Variants in FGF2 observed in about 807,000 individuals in gnomAD.
FGF2 encodes fibroblast growth factor 2.
FGF2 carries 13 observed loss-of-function variants against 15.9 expected under a neutral mutation model. The ratio of observed to expected loss-of-function variants is 0.82; its 90% CI spans 0.53 to 1.30. The LOEUF is 1.30. Among genes scored for constraint, FGF2 ranks in the 50% most tolerant of loss-of-function variants. The probability of loss-of-function intolerance (pLI) is 0.00; values close to 1 mark genes in which losing one functional copy is unlikely to be tolerated. For missense variants in FGF2, 163 were observed against 196.9 expected (o/e 0.83, Z 1.03); for synonymous variants, 90 against 78.4 (o/e 1.15, Z -0.78).
intron 1 of FGF2, among the ~76,000 whole-genome samples, chr4:122,871,711 G>A (rs576062017): frequency 1.4e-5 from 2 of 146,382 alleles, no homozygotes; most frequent in Admixed American, 1.4e-4. Flanking sequence ...AAATCAGATA[G>A]AATAGGGCCT....
In FGF2 at chr4:122,827,248, A is replaced by T. The variant is rs1308480387; in HGVS notation, c.74A>T (p.His25Leu). Residue 25 changes from histidine (H) to leucine (L), a missense_variant, in exon 1 of 3, where the codon CAC becomes CTC. His to Leu is a moderately conservative substitution (Grantham distance 99, BLOSUM62 -3). Transcript: ENST00000644866. The surrounding 1 kb of genome is among the most constrained non-coding windows in gnomAD (Gnocchi z 4.2). Reference protein sequence around the residue: ...DGGSGAFPPGHFKDPKRLYCK... With the variant: ...DGGSGAFPPGLFKDPKRLYCK... The stretch of plus-strand genomic sequence containing the variant: ...GGCAGCGGCGCCTTCCCGCCCGGCC[A>T]CTTCAAGGACCCCAAGCGGCTGTAC... The T allele has an allele frequency of 1.9e-6, 3 of 1,612,096 alleles. No individual in the cohort carries two copies. Among genetic ancestry groups the T allele is most frequent in the Middle Eastern group, 1.7e-4 (1 of 6,036 alleles).
intron 2 of FGF2, among the ~76,000 whole-genome samples, chr4:122,880,340 G>A (rs925628295): frequency 7.4e-5 from 11 of 148,144 alleles, no homozygotes; most frequent in African/African-American, 1.8e-4. Context: ...TCCACCTCCC[G>A]GGTTCACGCC....
chr4:122,879,749 TA>T (rs1726924463), intron 2 of FGF2, among the ~76,000 whole-genome samples: 1 of 152,224 alleles, frequency 6.6e-6, no homozygotes, highest in African/African-American at 2.4e-5. Context: ...TGGATGGCAG[TA>T]GGCAGAGAGA....
At chr4:122,889,135 A>G (rs900601917) in intron 2 of FGF2, among the ~76,000 whole-genome samples, 2 of 152,368 alleles carry the variant, frequency 1.3e-5, no homozygotes, top group African/African-American at 4.8e-5. Context: ...AAATGTTACC[A>G]AAAGCACTGA....
chr4:122,859,862 C>T (rs184011182), intron 1 of FGF2, among the ~76,000 whole-genome samples: 10 of 152,278 alleles, frequency 6.6e-5, no homozygotes, highest in East Asian at 5.8e-4. Context: ...AGGAGTTGTT[C>T]GCATTTACTG....
At chr4:122,834,058 G>A (rs1370642836) in intron 1 of FGF2, among the ~76,000 whole-genome samples, 2 of 152,184 alleles carry the variant, frequency 1.3e-5, no homozygotes, top group Admixed American at 6.5e-5. Flanking sequence ...ACTTTGGAGG[G>A]TGAGGGGTTA....
At position 122,848,967 on chromosome 4, in the gene FGF2, C is replaced by CAG. The variant is rs144214056; in HGVS notation, c.178+21620_178+21621dup. Among the ~76,000 whole-genome samples, 1,375 of 152,246 alleles carry CAG rather than the reference C, an allele frequency of 9.0e-3. 25 individuals are homozygous for CAG. Among genetic ancestry groups the CAG allele is most frequent in the African/African-American group, 0.03 (1,263 of 41,548 alleles). ...GTGGGATTAGGTGCTGGGCCAGGAGCAGAGAGTGTTCTTTGTACTGTGGAT... is the reference window on the plus strand; with the variant it reads ...GTGGGATTAGGTGCTGGGCCAGGAGCAGAGAGAGTGTTCTTTGTACTGTGGAT... On this transcript the variant is annotated intron_variant, in intron 1 of 2. Transcript: ENST00000644866.
In FGF2 at chr4:122,897,298, G is replaced by C. The variant is rs1052417278; in HGVS notation, c.*4902G>C. On this transcript the variant is annotated 3_prime_UTR_variant, in exon 3 of 3. Transcript: ENST00000644866. The stretch of plus-strand genomic sequence containing the variant: ...TAGTTTAATTCCAACAACAATATTA[G>C]TCGTATCCAAAATAACCTTTAATGC... The C allele has an allele frequency of 3.9e-6, 1 of 253,518 alleles. No individual in the cohort carries two copies. The highest frequency in any genetic ancestry group is 2.3e-5 in the African/African-American group (1 of 44,092). The allele number at this position is 253,518 out of a possible 1,614,324, so 15.7% of individuals were successfully genotyped here. A position where few individuals can be genotyped will look rare whatever the true frequency, so the allele number is the denominator to read the frequency against.
chr4:122,833,896 A>G lies in FGF2; in HGVS notation c.178+6544A>G, dbSNP rs144646116. 2.1e-3 allele frequency among the ~76,000 whole-genome samples: 320 copies of G among 152,350 alleles called. 2 individuals are homozygous for G. Among genetic ancestry groups the G allele is most frequent in the African/African-American group, 7.4e-3 (306 of 41,576 alleles). On this transcript the variant is annotated intron_variant, in intron 1 of 2. Coordinates refer to ENST00000644866, the MANE Select transcript of FGF2 (RefSeq NM_001361665.2). ...ATTAGTTTTTCTTAGAATAATCTAG[A>G]GAAAGATGAATCATTTTTCAGGAAA... is the stretch of plus-strand genomic sequence containing the variant.
In FGF2 at chr4:122,896,764, A is replaced by G. The variant is rs1472218310; in HGVS notation, c.*4368A>G. ...GTTTTAAAAATCAAGCTTTAAGTAC[A>G]TGGACATTTTTAAATAAAATATTTA... On this transcript the variant is annotated 3_prime_UTR_variant, in exon 3 of 3. Transcript: ENST00000644866. 1 of 152,194 alleles carries G rather than the reference A, an allele frequency of 6.6e-6. No individual in the cohort carries two copies. The highest frequency in any genetic ancestry group is 1.5e-5 in the Non-Finnish European group (1 of 68,034). 9.4% of individuals were successfully genotyped at this position (152,194 alleles called of 1,614,324 possible). A position where few individuals can be genotyped will look rare whatever the true frequency, so the allele number is the denominator to read the frequency against.
chr4:122,893,344 A>G lies in FGF2; in HGVS notation c.*948A>G, dbSNP rs569407789. The G allele has an allele frequency of 4.4e-6, 4 of 916,646 alleles. No individual in the cohort carries two copies. The African/African-American group carries it at 6.8e-5, about 16-fold the overall frequency. The allele number at this position is 916,646 out of a possible 1,614,324, so 56.8% of individuals were successfully genotyped here. On this transcript the variant is annotated 3_prime_UTR_variant, in exon 3 of 3. Coordinates refer to ENST00000644866, the MANE Select transcript of FGF2 (RefSeq NM_001361665.2). ...GCTCAAAACATTACCCTAACAAAGTAAAGTTTTCAATACAAATTCTTTGCC... is the reference window on the plus strand; with the variant it reads ...GCTCAAAACATTACCCTAACAAAGTGAAGTTTTCAATACAAATTCTTTGCC...
chr4:122,891,332 G>A (rs1374541675), intron 2 of FGF2, among the ~76,000 whole-genome samples: 2 of 151,758 alleles, frequency 1.3e-5, no homozygotes, highest in South Asian at 2.1e-4. Context: ...GAGCCACCGC[G>A]CCCGGCCGAA....
intron 2 of FGF2, among the ~76,000 whole-genome samples, chr4:122,881,015 GA>G (rs142769154): frequency 0.014 from 2,166 of 152,292 alleles, 56 homozygotes; most frequent in African/African-American, 0.049. Context: ...ACACCATGTG[GA>G]AGCTGCCAAG....
At chr4:122,841,273 T>TA (rs1283019474) in intron 1 of FGF2, among the ~76,000 whole-genome samples, 1 of 152,246 alleles carries the variant, frequency 6.6e-6, no homozygotes, top group Non-Finnish European at 1.5e-5. Flanking sequence ...CAATGGCAGA[T>TA]ACCCCTCAAG....
At chr4:122,849,782 T>G (rs1470184588) in intron 1 of FGF2, among the ~76,000 whole-genome samples, 1 of 152,058 alleles carries the variant, frequency 6.6e-6, no homozygotes, top group East Asian at 1.9e-4. Flanking sequence ...TGGGTAGCCT[T>G]AGAGCATGGT....
chr4:122,888,900 GA>G (rs919680045), intron 2 of FGF2: 2 of 152,138 alleles, frequency 1.3e-5, no homozygotes, highest in African/African-American at 4.8e-5. Flanking sequence ...GCTAGAATTT[GA>G]GTGGCATAAA....
At chr4:122,865,329 C>T (rs763604497) in intron 1 of FGF2, among the ~76,000 whole-genome samples, 2 of 152,092 alleles carry the variant, frequency 1.3e-5, no homozygotes, top group Non-Finnish European at 2.9e-5. Context: ...TCTTCTCTGT[C>T]ATCCAGGCTG....
In FGF2 at chr4:122,876,372, T is replaced by C. The variant is rs776849106; in HGVS notation, c.230T>C (p.Val77Ala). Reference protein sequence around the residue: ...EERGVVSIKGVCANRYLAMKE... With the variant: ...EERGVVSIKGACANRYLAMKE... ...AGAGGAGTTGTGTCTATCAAAGGAG[T>C]GTGTGCTAACCGTTACCTGGCTATG... is the stretch of plus-strand genomic sequence containing the variant. Residue 77 changes from valine to alanine, a missense_variant, in exon 2 of 3, where the codon GTG (valine) becomes GCG (alanine). By Grantham distance (64) the Val-to-Ala change is moderately conservative (BLOSUM62 0). Coordinates refer to ENST00000644866, the MANE Select transcript of FGF2 (RefSeq NM_001361665.2). 6 of 1,613,506 alleles carry C rather than the reference T, an allele frequency of 3.7e-6. No homozygotes were observed. The highest frequency in any genetic ancestry group is 5.1e-6 in the Non-Finnish European group (6 of 1,179,736).
intron 1 of FGF2, among the ~76,000 whole-genome samples, chr4:122,828,052 G>T (rs924680245): frequency 1.7e-4 from 26 of 152,184 alleles, no homozygotes; most frequent in African/African-American, 6.0e-4. Flanking sequence ...CCCCAGAGCC[G>T]GTTTCCTCAT....
Sources: gnomAD v4.1 joint callset for allele counts (sites outside exome capture counted in the v4.1 genomes callset) on GRCh38, gnomAD v4.1.1 for gene constraint, Gnocchi (gnomAD v3.1) non-coding constraint, MANE v1.5 for transcripts, NCBI Gene and HGNC (gene_info 2026-07-23, HGNC 2026-07-21) for gene names.